The following TRMT10B variants were observed in gnomAD, a reference collection of about 807,000 sequenced individuals.
TRMT10B encodes tRNA methyltransferase 10 homolog B.
In TRMT10B, 33 loss-of-function variants were observed where a neutral mutation model predicts 43.8. The observed-to-expected ratio is 0.75, with a 90% CI of 0.57 to 1.01. The LOEUF is 1.01. Among genes scored for constraint, TRMT10B ranks in the 50% least tolerant of loss-of-function variants. The pLI is 0.00. For synonymous variants in TRMT10B, 137 were observed against 130.6 expected, an observed-to-expected ratio of 1.05 and a Z score of -0.34; for missense variants, 362 against 369.8, an observed-to-expected ratio of 0.98 and a Z score of 0.17.
At chr9:37,766,588 T>G (rs1827008745) in intron 4 of TRMT10B, among the ~76,000 whole-genome samples, 1 of 152,210 alleles carries the variant, frequency 6.6e-6, no homozygotes, top group Non-Finnish European at 1.5e-5. Flanking sequence ...ATATGAACTT[T>G]AAAGTAGTTT....
chr9:37,757,915 C>T (rs1020258676), intron 1 of TRMT10B, among the ~76,000 whole-genome samples: 12 of 152,122 alleles, frequency 7.9e-5, no homozygotes, highest in African/African-American at 1.2e-4. Context: ...GCTATTTTCC[C>T]GCTTAAACCT....
intron 7 of TRMT10B, among the ~76,000 whole-genome samples, chr9:37,773,351 C>G (rs549355571): frequency 6.6e-6 from 1 of 151,766 alleles, no homozygotes; most frequent in East Asian, 1.9e-4. Context: ...GAACTCCAGG[C>G]CTCAAGCAAT....
At chr9:37,768,352 CCT>C in intron 5 of TRMT10B, 124 bp downstream of exon 5, 2 of 1,114,816 alleles carry the variant, frequency 1.8e-6, no homozygotes, top group Non-Finnish European at 1.3e-6. Flanking sequence ...AAATTCAGAA[CCT>C]CTCATAAGTT....
At chr9:37,761,327 C>G (rs780215797) in intron 1 of TRMT10B, among the ~76,000 whole-genome samples, 1 of 152,140 alleles carries the variant, frequency 6.6e-6, no homozygotes, top group Non-Finnish European at 1.5e-5. Flanking sequence ...CAATAAATAA[C>G]TTGGTTATCT....
At chr9:37,776,444 C>G (rs770795508) in intron 8 of TRMT10B, 39 bp downstream of exon 8, 6 of 1,583,350 alleles carry the variant, frequency 3.8e-6, no homozygotes. Flanking sequence ...TGTGTGAGTT[C>G]TGGTGCTGCT....
chr9:37,754,970 A>T (rs1825459274), intron 1 of TRMT10B, among the ~76,000 whole-genome samples: 1 of 152,110 alleles, frequency 6.6e-6, no homozygotes, highest in Admixed American at 6.6e-5. Flanking sequence ...GGGAAGGGAG[A>T]GTTATATAAA....
chr9:37,767,672 C>T (rs1378780373), intron 4 of TRMT10B, among the ~76,000 whole-genome samples: 1 of 151,918 alleles, frequency 6.6e-6, no homozygotes, highest in Non-Finnish European at 1.5e-5. Flanking sequence ...GTTAAAACTT[C>T]CAACCCTATT....
chr9:37,760,408 C>T (rs965936934), intron 1 of TRMT10B, among the ~76,000 whole-genome samples: 4 of 152,148 alleles, frequency 2.6e-5, no homozygotes, highest in African/African-American at 9.7e-5. Flanking sequence ...GCCTGTAGTC[C>T]TAGCTACATG....
intron 8 of TRMT10B, 140 bp from the exon 9 acceptor site, chr9:37,777,461 T>A (rs1828295374): frequency 6.2e-6 from 4 of 643,730 alleles, no homozygotes; most frequent in Non-Finnish European, 1.1e-5. Flanking sequence ...GCCTGTGTCC[T>A]TGCCTCTCCC....
upstream of TRMT10B, among the ~76,000 whole-genome samples, chr9:37,753,558 G>A (rs950980074): frequency 2.0e-5 from 3 of 152,172 alleles, no homozygotes; most frequent in Non-Finnish European, 4.4e-5. Flanking sequence ...CAGAGCACCT[G>A]TAGGAGCCCT....
At chr9:37,766,635 T>C (rs746014638) in intron 4 of TRMT10B, among the ~76,000 whole-genome samples, 17 of 152,238 alleles carry the variant, frequency 1.1e-4, no homozygotes, top group Non-Finnish European at 2.1e-4. Flanking sequence ...GGTAGCCTGA[T>C]GGGGATGGCA....
intron 1 of TRMT10B, among the ~76,000 whole-genome samples, chr9:37,754,341 T>C (rs138208995): frequency 5.9e-5 from 9 of 152,152 alleles, no homozygotes; most frequent in Admixed American, 2.0e-4. Context: ...GGGAAGAGCA[T>C]TGAGGGTAAA....
intron 8 of TRMT10B, 134 bp downstream of exon 8, chr9:37,776,539 T>C: frequency 2.6e-6 from 3 of 1,135,150 alleles, no homozygotes; most frequent in East Asian, 3.0e-5. Context: ...CGTCATGACA[T>C]ATATTCTGGC....
At chr9:37,762,462 CT>C (rs769829222) in intron 2 of TRMT10B, 114 bp from the exon 3 acceptor site, 51 of 1,415,742 alleles carry the variant, frequency 3.6e-5, no homozygotes, top group Non-Finnish European at 4.5e-5. Flanking sequence ...GTAATTTCCT[CT>C]TTCTCTCCAA....
chr9:37,756,741 TAC>T lies in TRMT10B; in HGVS notation c.-30+2901_-30+2902del, dbSNP rs533330841. Reference sequence around the variant, plus strand: ...TCTCAAAAAGATATATATATATATATACACACACACACATATATATATACACA... The same window carrying T: ...TCTCAAAAAGATATATATATATATATACACACACACATATATATATACACA... On this transcript the variant is annotated intron_variant, in intron 1 of 8. Coordinates refer to ENST00000297994, the MANE Select transcript of TRMT10B (RefSeq NM_144964.4). 3.6e-3 allele frequency among the ~76,000 whole-genome samples: 542 copies of T among 149,784 alleles called. 3 individuals are homozygous for T. Among genetic ancestry groups the T allele is most frequent in the South Asian group, 6.8e-3 (32 of 4,706 alleles).
upstream of TRMT10B, among the ~76,000 whole-genome samples, chr9:37,753,154 G>T (rs1563976618): frequency 6.6e-6 from 1 of 151,664 alleles, no homozygotes; most frequent in Non-Finnish European, 1.5e-5. Flanking sequence ...CCTGAAGCTA[G>T]CGAGACCATG....
chr9:37,765,585 C>A (rs1826901261), intron 4 of TRMT10B, among the ~76,000 whole-genome samples: 1 of 152,126 alleles, frequency 6.6e-6, no homozygotes, highest in Non-Finnish European at 1.5e-5. Flanking sequence ...GATTTATAAT[C>A]CTTTGGGTAT....
Position 37,777,771 on chromosome 9 carries a change from C to T in TRMT10B, c.*64C>T, listed in dbSNP as rs565665181. On this transcript the variant is annotated 3_prime_UTR_variant, in exon 9 of 9. Transcript: ENST00000297994. The stretch of plus-strand genomic sequence containing the variant: ...CCGTAATGCCAACACTTTGGTAGAC[C>T]GAAGTGGGCAGATCACCTGAGGTCA... 106 of 1,355,360 alleles carry T rather than the reference C, an allele frequency of 7.8e-5. No homozygotes were observed. Among genetic ancestry groups the T allele is most frequent in the Admixed American group, 5.6e-4 (33 of 58,530 alleles). The allele number at this position is 1,355,360 out of a possible 1,614,324, so 84.0% of individuals were successfully genotyped here. A position where few individuals can be genotyped will look rare whatever the true frequency, so the allele number is the denominator to read the frequency against.
intron 1 of TRMT10B, among the ~76,000 whole-genome samples, chr9:37,759,868 TGTCA>T (rs2118731410): frequency 6.6e-6 from 1 of 152,304 alleles, no homozygotes; most frequent in African/African-American, 2.4e-5. Flanking sequence ...TTGACAGGAT[TGTCA>T]GTAACACAGA....
Sources: allele counts gnomAD v4.1 joint callset (sites outside exome capture counted in the v4.1 genomes callset), GRCh38; gene constraint gnomAD v4.1.1; transcripts MANE v1.5; gene names NCBI Gene and HGNC (gene_info 2026-07-23, HGNC 2026-07-21).